Variants in P2RY12 observed in about 807,000 individuals in gnomAD.
The protein encoded by P2RY12 is purinergic receptor P2Y12, also known as P2Y purinoceptor 12.
P2RY12 carries 3 observed loss-of-function variants against 4.5 expected under a neutral mutation model. That is an observed-to-expected ratio of 0.67 (90% CI 0.31 to 1.74). The LOEUF is 1.74. P2RY12 is among the 40% of genes most tolerant of loss of function. P2RY12 has a pLI of 0.09. For synonymous variants in P2RY12, 148 were observed against 154.1 expected (o/e 0.96, Z 0.29); for missense variants, 356 against 407.8 (o/e 0.87, Z 1.09).
chr3:151,380,613 A>C (rs1053293325), intron 1 of P2RY12, among the ~76,000 whole-genome samples: 2 of 151,810 alleles, frequency 1.3e-5, no homozygotes, highest in East Asian at 1.9e-4. Context: ...AAAAAAAAAA[A>C]AACAACTAGT....
chr3:151,354,199 A>G (rs912188907), intron 1 of P2RY12, among the ~76,000 whole-genome samples: 2 of 151,004 alleles, frequency 1.3e-5, no homozygotes, highest in Non-Finnish European at 2.9e-5. Flanking sequence ...TATCAATCAT[A>G]TATCCAACTT....
intron 1 of P2RY12, among the ~76,000 whole-genome samples, chr3:151,373,875 C>A (rs1037490845): frequency 7.9e-5 from 12 of 152,108 alleles, no homozygotes; most frequent in Non-Finnish European, 1.3e-4. Flanking sequence ...GAGAACGTTA[C>A]TGAGAAACCA....
At chr3:151,361,115 A>G (rs754283111) in intron 1 of P2RY12, among the ~76,000 whole-genome samples, 1 of 152,004 alleles carries the variant, frequency 6.6e-6, no homozygotes, top group Non-Finnish European at 1.5e-5. Flanking sequence ...CATTACTTGG[A>G]TTAGCTTTAA....
At position 151,345,574 on chromosome 3, in the gene P2RY12, A is replaced by G. The variant is rs546577038; in HGVS notation, c.-179-4814T>C. ...CTCTTGTCACCCAGGCTGGAGTGCA[A>G]TGGCACCATCTCGGCTCACTGCAAC... is the stretch of plus-strand genomic sequence containing the variant. On this transcript the variant is annotated intron_variant, in intron 1 of 2. Coordinates refer to ENST00000302632, the MANE Select transcript of P2RY12 (RefSeq NM_022788.5). Among the ~76,000 whole-genome samples, 6 of 147,332 alleles carry G rather than the reference A, an allele frequency of 4.1e-5. No individual in the cohort carries two copies. In the South Asian group the frequency reaches 6.4e-4, roughly 16 times the overall value.
intron 1 of P2RY12, among the ~76,000 whole-genome samples, chr3:151,381,610 G>C (rs575815823): frequency 3.5e-4 from 53 of 152,316 alleles, no homozygotes; most frequent in African/African-American, 1.2e-3. Flanking sequence ...TCAGTTCTCT[G>C]TTAAGATGTT....
At chr3:151,364,065 T>C (rs929422271) in intron 1 of P2RY12, among the ~76,000 whole-genome samples, 1 of 152,148 alleles carries the variant, frequency 6.6e-6, no homozygotes, top group African/African-American at 2.4e-5. Context: ...AAACTTAATC[T>C]ATAAAACAGA....
At position 151,338,776 on chromosome 3, in the gene P2RY12, T is replaced by G. The variant is rs1462064812; in HGVS notation, c.70A>C (p.Thr24Pro). The change falls in exon 3 of 3, where the codon ACC becomes CCC. Residue 24 changes from threonine to proline, a missense_variant. Coordinates refer to ENST00000302632, the MANE Select transcript of P2RY12 (RefSeq NM_022788.5). ...TSLCTRDYKI[T>P]QVLFPLLYTV... ...TAGAGCAGTGGGAAGAGGACCTGGGTGATTTTGTAGTCTCTGGTGCACAGA... is the reference window on the plus strand; with the variant it reads ...TAGAGCAGTGGGAAGAGGACCTGGGGGATTTTGTAGTCTCTGGTGCACAGA... The G allele has an allele frequency of 6.2e-7, 1 of 1,613,752 alleles. No homozygotes were observed. The highest frequency in any genetic ancestry group is 8.5e-7 in the Non-Finnish European group (1 of 1,179,930).
intron 1 of P2RY12, among the ~76,000 whole-genome samples, chr3:151,357,761 A>AT (rs1218672593): frequency 6.6e-6 from 1 of 152,242 alleles, no homozygotes; most frequent in Non-Finnish European, 1.5e-5. Context: ...TAAGCTTTGC[A>AT]TACATTATCA....
chr3:151,353,196 TTG>T (rs1470543405), intron 1 of P2RY12, among the ~76,000 whole-genome samples: 2 of 152,198 alleles, frequency 1.3e-5, no homozygotes, highest in Non-Finnish European at 2.9e-5. Context: ...ATTATTTGTT[TTG>T]TCCCAGGAAG....
At chr3:151,363,762 A>G (rs1400837655) in intron 1 of P2RY12, among the ~76,000 whole-genome samples, 1 of 152,180 alleles carries the variant, frequency 6.6e-6, no homozygotes, top group Non-Finnish European at 1.5e-5. Flanking sequence ...CTTGTTACAC[A>G]TACGGACTCT....
chr3:151,373,769 G>C (rs1337979793), intron 1 of P2RY12, among the ~76,000 whole-genome samples: 1 of 152,096 alleles, frequency 6.6e-6, no homozygotes, highest in East Asian at 1.9e-4. Context: ...TTTAAAAATA[G>C]TTGGTATTTT....
chr3:151,357,943 C>T (rs1047408278), intron 1 of P2RY12, among the ~76,000 whole-genome samples: 1 of 152,146 alleles, frequency 6.6e-6, no homozygotes, highest in Non-Finnish European at 1.5e-5. Context: ...GAGGCTAAGG[C>T]ACCAAATTAG....
At position 151,357,165 on chromosome 3, in the gene P2RY12, A is replaced by G. The variant is rs532325068; in HGVS notation, c.-179-16405T>C. 2.8e-6 allele frequency: 4 copies of G among 1,446,096 alleles called. No individual in the cohort carries two copies. The Admixed American group carries it at 6.6e-5, about 24-fold the overall frequency. 89.6% of individuals were successfully genotyped at this position (1,446,096 alleles called of 1,614,324 possible). On this transcript the variant is annotated intron_variant, in intron 1 of 2. Coordinates refer to ENST00000302632, the MANE Select transcript of P2RY12 (RefSeq NM_022788.5). ...GTTTATAAAAATAAATGTTTTCTCT[A>G]TTTGTTTTGGCACCTACATGTTTAT...
chr3:151,369,479 C>T (rs1300459862), intron 1 of P2RY12: 1 of 1,612,244 alleles, frequency 6.2e-7, no homozygotes. Context: ...ATAGACACCT[C>T]TTAGCCGCTG....
rs563307914 is a variant in P2RY12, at chr3:151,342,874, T to G, written c.-179-2114A>C. Among the ~76,000 whole-genome samples the G allele has an allele frequency of 1.1e-4, 17 of 152,316 alleles. No homozygotes were observed. The East Asian group carries it at 3.3e-3, about 29-fold the overall frequency. On this transcript the variant is annotated intron_variant, in intron 1 of 2. Transcript: ENST00000302632. Reference sequence around the variant, plus strand: ...CAATATTTAATTTCTTACACTGTCATGGATTAACTCACTTTATTAATAATC... The same window carrying G: ...CAATATTTAATTTCTTACACTGTCAGGGATTAACTCACTTTATTAATAATC...
intron 1 of P2RY12, chr3:151,369,392 C>T (rs1755904449): frequency 2.3e-6 from 3 of 1,318,500 alleles, no homozygotes; most frequent in African/African-American, 1.5e-5. Flanking sequence ...CAAAACATTA[C>T]TAATGATGGT....
intron 1 of P2RY12, chr3:151,369,636 T>G (rs549473901): frequency 5.0e-5 from 43 of 860,748 alleles, no homozygotes; most frequent in East Asian, 7.9e-5. Flanking sequence ...TCTAGTAGTA[T>G]TATTGGAAAC....
intron 2 of P2RY12, among the ~76,000 whole-genome samples, chr3:151,339,866 T>C (rs886878558): frequency 6.6e-6 from 1 of 152,194 alleles, no homozygotes; most frequent in African/African-American, 2.4e-5. Flanking sequence ...TTGTAATCTT[T>C]TTATTTCACC....
chr3:151,372,814 T>C (rs748679899), intron 1 of P2RY12: 3 of 1,478,130 alleles, frequency 2.0e-6, no homozygotes, highest in Non-Finnish European at 2.8e-6. Flanking sequence ...AACTCTTCTT[T>C]TGGAGAGAGC....
Sources: allele counts gnomAD v4.1 joint callset (sites outside exome capture counted in the v4.1 genomes callset), GRCh38; gene constraint gnomAD v4.1.1; transcripts MANE v1.5; gene names NCBI Gene and HGNC (gene_info 2026-07-23, HGNC 2026-07-21).